Variants in KLHL3 observed in about 807,000 individuals in gnomAD.
KLHL3 encodes the protein kelch like family member 3, also known as kelch-like protein 3.
Under a neutral mutation model 70.5 loss-of-function variants are expected in KLHL3, and 19 were observed. The ratio of observed to expected loss-of-function variants is 0.27; its 90% CI spans 0.19 to 0.40. The LOEUF (loss-of-function observed/expected upper bound fraction) is 0.40, where lower values mean the gene tolerates loss of function less well. KLHL3 is among the 10% of genes least tolerant of loss of function. The pLI is 1.00. For missense variants in KLHL3, 512 were observed against 771.1 expected, an observed-to-expected ratio of 0.66 and a Z score of 3.98; for synonymous variants, 258 against 290.3, an observed-to-expected ratio of 0.89 and a Z score of 1.13.
chr5:137,643,475 A>G (rs1300894197), intron 8 of KLHL3, among the ~76,000 whole-genome samples: 1 of 152,236 alleles, frequency 6.6e-6, no homozygotes, highest in Non-Finnish European at 1.5e-5. Flanking sequence ...CTATCTGGGA[A>G]AATGAATTAT....
Position 137,658,076 on chromosome 5 carries a change from G to A in KLHL3, c.903+55C>T, listed in dbSNP as rs1477228835. 36 of 1,539,942 alleles carry A rather than the reference G, an allele frequency of 2.3e-5. No homozygotes were observed. In the East Asian group the frequency reaches 8.2e-4, roughly 35 times the overall value. ...AAAGACTTGGAGGCAGGAGTGGAAG[G>A]CCACTTTCCCAGGGCACAGTCCTGA... is the stretch of plus-strand genomic sequence containing the variant. On this transcript the variant is annotated intron_variant, in intron 8 of 14. Transcript: ENST00000309755.
rs915303059 is a variant in KLHL3, at chr5:137,735,898, A to G, written c.-252T>C. ...TCCCTGCAGCCCTTTCAGCTGCTAA[A>G]AGCAGCAACCCACTTGCTCCCCCTC... On this transcript the variant is annotated 5_prime_UTR_variant, in exon 1 of 15. Transcript: ENST00000309755. The G allele has an allele frequency of 1.1e-4, 61 of 559,232 alleles. No homozygotes were observed. The highest frequency in any genetic ancestry group is 1.1e-3 in the African/African-American group (57 of 53,138). The allele number at this position is 559,232 out of a possible 1,614,324, so 34.6% of individuals were successfully genotyped here. A position where few individuals can be genotyped will look rare whatever the true frequency, so the allele number is the denominator to read the frequency against.
Position 137,635,183 on chromosome 5 carries a change from C to G in KLHL3, c.1322-1018G>C, listed in dbSNP as rs929577587. On this transcript the variant is annotated intron_variant, in intron 11 of 14. Coordinates refer to ENST00000309755, the MANE Select transcript of KLHL3 (RefSeq NM_017415.3). ...AGATTCTCAGGCTCAAACCTATACT[C>G]TGCTACCAGAACTACTGCTGTATTA... Among the ~76,000 whole-genome samples, 42 of 152,210 alleles carry G rather than the reference C, an allele frequency of 2.8e-4. 1 individual carries two copies. The highest frequency in any genetic ancestry group is 2.6e-3 in the Admixed American group (40 of 15,280).
At chr5:137,683,769 CT>C (rs1752092334) in intron 5 of KLHL3, among the ~76,000 whole-genome samples, 1 of 59,432 alleles carries the variant, frequency 1.7e-5, no homozygotes, top group South Asian at 1.0e-3. Context: ...CTCTCTTTCT[CT>C]CTCTCTCTCT....
chr5:137,662,783 T>C lies in KLHL3; in HGVS notation c.637-752A>G, dbSNP rs866724934. Among the ~76,000 whole-genome samples the C allele has an allele frequency of 4.6e-5, 7 of 152,334 alleles. No homozygotes were observed. The Middle Eastern group carries it at 0.014, about 296-fold the overall frequency. On this transcript the variant is annotated intron_variant, in intron 6 of 14. Transcript: ENST00000309755. ...GCAGTGTCTGTAAAAATTTCATTAATAATGATTTTTAAGAGGGGAGGGAAG... is the reference window on the plus strand; with the variant it reads ...GCAGTGTCTGTAAAAATTTCATTAACAATGATTTTTAAGAGGGGAGGGAAG...
In KLHL3 at chr5:137,628,054, A is replaced by G. The variant is rs115241637; in HGVS notation, c.1591+243T>C. ...TGCTCATCTGTGTGCGGTAAAAGTC[A>G]TCACCCTTCACTGCGGGGAAAGGGG... On this transcript the variant is annotated intron_variant, in intron 13 of 14. Transcript: ENST00000309755. 3.3e-3 allele frequency: 1,706 copies of G among 524,000 alleles called. 25 individuals are homozygous for G. Among genetic ancestry groups the G allele is most frequent in the African/African-American group, 0.03 (1,572 of 52,238 alleles). 32.5% of individuals were successfully genotyped at this position (524,000 alleles called of 1,614,324 possible).
intron 2 of KLHL3, among the ~76,000 whole-genome samples, chr5:137,718,019 C>T (rs949493475): frequency 6.6e-6 from 1 of 152,152 alleles, no homozygotes; most frequent in Non-Finnish European, 1.5e-5. Context: ...TGTGGAAAAC[C>T]TTTGGTCAGA....
At chr5:137,701,976 A>C (rs1295115142) in intron 3 of KLHL3, among the ~76,000 whole-genome samples, 1 of 152,224 alleles carries the variant, frequency 6.6e-6, no homozygotes, top group Non-Finnish European at 1.5e-5. Context: ...TCCAAAGAGA[A>C]CATGATTCTC....
In KLHL3 at chr5:137,660,161, A is replaced by G. The variant is rs191927307; in HGVS notation, c.753+1754T>C. On this transcript the variant is annotated intron_variant, in intron 7 of 14. Transcript: ENST00000309755. ...AAGGGCAAAGGGAGGAGTCCCACAC[A>G]ACAGTTCTCATGCCCATTGCCTCTG... is the stretch of plus-strand genomic sequence containing the variant. Among the ~76,000 whole-genome samples, 28 of 152,332 alleles carry G rather than the reference A, an allele frequency of 1.8e-4. No homozygotes were observed. The East Asian group carries it at 5.4e-3, about 29-fold the overall frequency.
chr5:137,693,213 G>A (rs1752365209), intron 4 of KLHL3, among the ~76,000 whole-genome samples: 1 of 152,086 alleles, frequency 6.6e-6, no homozygotes, highest in East Asian at 1.9e-4. Context: ...AAATCCCTCA[G>A]GACTCAGGCA....
At chr5:137,696,426 G>T (rs1752446528) in intron 4 of KLHL3, among the ~76,000 whole-genome samples, 1 of 152,250 alleles carries the variant, frequency 6.6e-6, no homozygotes, top group South Asian at 2.1e-4. Flanking sequence ...TACCAGCCAT[G>T]CAACTGAGGA....
At chr5:137,708,660 C>G (rs1320430063) in intron 3 of KLHL3, among the ~76,000 whole-genome samples, 1 of 152,120 alleles carries the variant, frequency 6.6e-6, no homozygotes, top group Non-Finnish European at 1.5e-5. Flanking sequence ...TAACAACAAA[C>G]CAAGACGATT....
intron 1 of KLHL3, among the ~76,000 whole-genome samples, chr5:137,732,217 A>G (rs1753189524): frequency 3.3e-5 from 5 of 152,150 alleles, no homozygotes; most frequent in Admixed American, 2.6e-4. Flanking sequence ...GCTAACAGCC[A>G]GAGACCCTTT....
At position 137,628,454 on chromosome 5, in the gene KLHL3, A is replaced by G. The variant is rs937011502; in HGVS notation, c.1451-17T>C. 1.9e-6 allele frequency: 3 copies of G among 1,613,866 alleles called. No individual in the cohort carries two copies. In the Admixed American group the frequency reaches 5.0e-5, roughly 27 times the overall value. On this transcript the variant is annotated splice_polypyrimidine_tract_variant and intron_variant, in intron 12 of 14. Coordinates refer to ENST00000309755, the MANE Select transcript of KLHL3 (RefSeq NM_017415.3). Reference sequence around the variant, plus strand: ...CTCCAACCCCTGAAAGGCAGAGCACAGCATCCCAGCCTCATGCTGACTACA... The same window carrying G: ...CTCCAACCCCTGAAAGGCAGAGCACGGCATCCCAGCCTCATGCTGACTACA...
intron 6 of KLHL3, among the ~76,000 whole-genome samples, chr5:137,667,885 A>C (rs931258494): frequency 6.6e-6 from 1 of 152,212 alleles, no homozygotes; most frequent in Non-Finnish European, 1.5e-5. Flanking sequence ...CAACAAGCAC[A>C]GTGCTAGGCA....
chr5:137,668,109 T>C (rs1401242399), intron 6 of KLHL3, among the ~76,000 whole-genome samples: 1 of 152,116 alleles, frequency 6.6e-6, no homozygotes, highest in African/African-American at 2.4e-5. Context: ...CACAATTAAT[T>C]TTAAAAACCT....
At chr5:137,647,608 C>T (rs781778035) in intron 8 of KLHL3, 1 of 472,412 alleles carries the variant, frequency 2.1e-6, no homozygotes, top group East Asian at 6.9e-5. Context: ...GGGCAGGAAG[C>T]GAGAGTCTCT....
intron 5 of KLHL3, among the ~76,000 whole-genome samples, chr5:137,683,887 A>T (rs1221762868): frequency 2.0e-5 from 3 of 152,168 alleles, no homozygotes; most frequent in Admixed American, 1.3e-4. Context: ...TAACCCAGAA[A>T]ATGGAACAAG....
chr5:137,677,144 T>C (rs1171720575), intron 6 of KLHL3, among the ~76,000 whole-genome samples: 1 of 152,084 alleles, frequency 6.6e-6, no homozygotes, highest in Admixed American at 6.5e-5. Flanking sequence ...GTTGTTTTTC[T>C]CTGAAAGAAA....
Sources: gnomAD v4.1 joint callset for allele counts (sites outside exome capture counted in the v4.1 genomes callset) on GRCh38, gnomAD v4.1.1 for gene constraint, MANE v1.5 for transcripts, NCBI Gene and HGNC (gene_info 2026-07-23, HGNC 2026-07-21) for gene names.